The following CNTNAP2 variants were observed in gnomAD, a reference collection of about 807,000 sequenced individuals.
The protein encoded by CNTNAP2 is contactin-associated protein-like 2.
Under a neutral mutation model 155.2 loss-of-function variants are expected in CNTNAP2, and 98 were observed. The ratio of observed to expected loss-of-function variants is 0.63; its 90% confidence interval spans 0.54 to 0.75. The LOEUF is 0.75. Among genes scored for constraint, CNTNAP2 ranks in the 30% least tolerant of loss-of-function variants. The pLI is 0.00. For synonymous variants in CNTNAP2, 651 were observed against 631.2 expected, an observed-to-expected ratio of 1.03 and a Z score of -0.47; for missense variants, 1,727 against 1,688.1, an observed-to-expected ratio of 1.02 and a Z score of -0.40.
At chr7:147,912,429 C>T (rs113082344) in intron 14 of CNTNAP2, among the ~76,000 whole-genome samples, 1 of 152,256 alleles carries the variant, frequency 6.6e-6, no homozygotes, top group Admixed American at 6.5e-5. Flanking sequence ...CCTTACTCTG[C>T]CAGCTGCAGC....
At chr7:147,850,838 A>T (rs1160104506) in intron 13 of CNTNAP2, among the ~76,000 whole-genome samples, 2 of 152,132 alleles carry the variant, frequency 1.3e-5, no homozygotes, top group Non-Finnish European at 2.9e-5. Flanking sequence ...AACCTAGGCA[A>T]TACCATTCAG....
At chr7:146,172,328 G>T (rs1329339477) in intron 1 of CNTNAP2, among the ~76,000 whole-genome samples, 2 of 151,894 alleles carry the variant, frequency 1.3e-5, no homozygotes, top group African/African-American at 2.4e-5. Context: ...GGAGGCCAGG[G>T]ATACTGCTAA....
intron 1 of CNTNAP2, among the ~76,000 whole-genome samples, chr7:146,413,119 A>G (rs1795889811): frequency 6.6e-6 from 1 of 152,212 alleles, no homozygotes. Flanking sequence ...GCAGCCACAT[A>G]ATGGTAAAGA....
At chr7:147,990,495 G>A (rs925069988) in intron 15 of CNTNAP2, among the ~76,000 whole-genome samples, 1 of 151,506 alleles carries the variant, frequency 6.6e-6, no homozygotes, top group South Asian at 2.1e-4. Flanking sequence ...TTGGAGGGGG[G>A]TTATCTTGGG....
chr7:146,979,409 C>T (rs796559984), intron 3 of CNTNAP2, among the ~76,000 whole-genome samples: 3 of 152,290 alleles, frequency 2.0e-5, no homozygotes, highest in African/African-American at 7.2e-5. Context: ...TTATCCAGAT[C>T]GCATCTCAAA....
intron 12 of CNTNAP2, among the ~76,000 whole-genome samples, chr7:147,565,449 A>G (rs544121604): frequency 7.9e-5 from 12 of 152,156 alleles, no homozygotes; most frequent in African/African-American, 2.9e-4. Context: ...TAAGATCTTG[A>G]TTGCATTCAT....
At chr7:147,183,537 A>G (rs577165689) in intron 8 of CNTNAP2, among the ~76,000 whole-genome samples, 2 of 152,156 alleles carry the variant, frequency 1.3e-5, no homozygotes, top group African/African-American at 4.8e-5. Context: ...CTATTCATTG[A>G]CATATTCAGC....
intron 1 of CNTNAP2, among the ~76,000 whole-genome samples, chr7:146,499,685 T>TG (rs1797271886): frequency 6.6e-6 from 1 of 151,774 alleles, no homozygotes; most frequent in Admixed American, 6.6e-5. Context: ...AGTGAGAACA[T>TG]GCGGTGTTTG....
chr7:148,310,796 T>G (rs550149660), intron 21 of CNTNAP2, among the ~76,000 whole-genome samples: 1 of 152,238 alleles, frequency 6.6e-6, no homozygotes, highest in African/African-American at 2.4e-5. Context: ...GACTCCTAGG[T>G]ATCCAGCTAG....
intron 1 of CNTNAP2, among the ~76,000 whole-genome samples, chr7:146,573,912 G>C (rs113542265): frequency 5.3e-5 from 8 of 152,248 alleles, no homozygotes; most frequent in African/African-American, 1.9e-4. Flanking sequence ...AAAAATGCAT[G>C]TTATATTATC....
At chr7:148,149,233 G>C (rs181251028) in intron 17 of CNTNAP2, among the ~76,000 whole-genome samples, 18 of 152,244 alleles carry the variant, frequency 1.2e-4, no homozygotes, top group African/African-American at 3.6e-4. Flanking sequence ...CTGTGTGTAA[G>C]AATTTTGAAG....
chr7:147,879,067 G>A (rs1431070379), intron 13 of CNTNAP2, among the ~76,000 whole-genome samples: 1 of 152,128 alleles, frequency 6.6e-6, no homozygotes, highest in African/African-American at 2.4e-5. Flanking sequence ...TGTAGTAAAC[G>A]GTAATTTTGC....
intron 2 of CNTNAP2, among the ~76,000 whole-genome samples, chr7:146,783,487 G>A (rs1802524234): frequency 6.6e-6 from 1 of 152,120 alleles, no homozygotes; most frequent in Admixed American, 6.6e-5. Context: ...AAAATTAAAT[G>A]TGTAATACAG....
At chr7:146,844,314 C>A (rs1447930371) in intron 3 of CNTNAP2, among the ~76,000 whole-genome samples, 1 of 152,034 alleles carries the variant, frequency 6.6e-6, no homozygotes, top group Non-Finnish European at 1.5e-5. Context: ...TCAAACCTTC[C>A]ATTCCTCTTT....
chr7:146,275,937 G>A (rs1487431528), intron 1 of CNTNAP2, among the ~76,000 whole-genome samples: 1 of 152,178 alleles, frequency 6.6e-6, no homozygotes, highest in East Asian at 1.9e-4. Context: ...ACAAGAGGGG[G>A]TTGTGTGCTA....
intron 21 of CNTNAP2, among the ~76,000 whole-genome samples, chr7:148,380,882 G>A (rs1028643887): frequency 1.3e-5 from 2 of 152,194 alleles, no homozygotes; most frequent in African/African-American, 4.8e-5. Flanking sequence ...CAACAGGGGT[G>A]CCCTCAATTA....
intron 21 of CNTNAP2, among the ~76,000 whole-genome samples, chr7:148,314,543 G>A (rs1274671640): frequency 6.6e-6 from 1 of 152,134 alleles, no homozygotes; most frequent in Non-Finnish European, 1.5e-5. Flanking sequence ...CTTGCCCATA[G>A]TGAAGGAGGC....
chr7:147,299,445 T>A (rs1794901015), intron 8 of CNTNAP2, among the ~76,000 whole-genome samples: 1 of 150,774 alleles, frequency 6.6e-6, no homozygotes, highest in Non-Finnish European at 1.5e-5. Context: ...TTTTTTTTTT[T>A]AATACCATGT....
chr7:147,768,433 T>G (rs1797416465), intron 13 of CNTNAP2, among the ~76,000 whole-genome samples: 1 of 152,158 alleles, frequency 6.6e-6, no homozygotes, highest in African/African-American at 2.4e-5. Flanking sequence ...CTTTACTATA[T>G]TAGTGCTTAG....
Sources: allele counts gnomAD v4.1 joint callset (sites outside exome capture counted in the v4.1 genomes callset), GRCh38; gene constraint gnomAD v4.1.1; transcripts MANE v1.5; gene names NCBI Gene and HGNC (gene_info 2026-07-23, HGNC 2026-07-21).